MACROD2: variants seen among roughly 807,000 people sequenced by gnomAD.
MACROD2 encodes the protein ADP-ribose glycohydrolase MACROD2.
A neutral mutation model predicts 70.4 loss-of-function variants in MACROD2; 36 were observed. The ratio of observed to expected loss-of-function variants is 0.51; its 90% CI spans 0.39 to 0.68. The LOEUF is 0.68. MACROD2 is among the 30% of genes least tolerant of loss of function. MACROD2 has a pLI of 0.00. For synonymous variants in MACROD2, 172 were observed against 178.8 expected (o/e 0.96, Z 0.30); for missense variants, 496 against 538.4 (o/e 0.92, Z 0.78).
intron 5 of MACROD2, among the ~76,000 whole-genome samples, chr20:14,922,586 T>C (rs2074177042): frequency 1.3e-5 from 2 of 152,202 alleles, no homozygotes; most frequent in Admixed American, 1.3e-4. Context: ...CTTAACCTTT[T>C]AAAGGTGCAG....
chr20:14,717,871 G>T (rs1050060682), intron 5 of MACROD2, among the ~76,000 whole-genome samples: 1 of 152,152 alleles, frequency 6.6e-6, no homozygotes, highest in East Asian at 1.9e-4. Context: ...GGAGCTAGGG[G>T]AGGAAGGAGG....
At position 15,403,773 on chromosome 20, in the gene MACROD2, A is replaced by G. The variant is rs1402293284; in HGVS notation, c.541-27632A>G. Among the ~76,000 whole-genome samples the G allele has an allele frequency of 2.0e-5, 3 of 152,154 alleles. No homozygotes were observed. In the East Asian group the frequency reaches 5.8e-4, roughly 29 times the overall value. On this transcript the variant is annotated intron_variant, in intron 6 of 17. Coordinates refer to ENST00000684519, the MANE Select transcript of MACROD2 (RefSeq NM_001351661.2). ...TTAGCCCATGAGATTGCAGATGGAG[A>G]CTATTACAATGAAAGGCCCATCCTA...
chr20:15,702,175 C>T (rs1258670947), intron 8 of MACROD2, among the ~76,000 whole-genome samples: 2 of 152,166 alleles, frequency 1.3e-5, no homozygotes, highest in East Asian at 3.9e-4. Context: ...CTTTAGGTAT[C>T]TACCCCGTAA....
chr20:15,507,987 G>T (rs1393735828), intron 8 of MACROD2, among the ~76,000 whole-genome samples: 1 of 152,176 alleles, frequency 6.6e-6, no homozygotes, highest in Non-Finnish European at 1.5e-5. Context: ...AGCTGAGCTT[G>T]CCCAAATGCC....
intron 3 of MACROD2, among the ~76,000 whole-genome samples, chr20:14,429,293 T>C (rs1242639928): frequency 6.6e-6 from 1 of 152,210 alleles, no homozygotes; most frequent in Non-Finnish European, 1.5e-5. Context: ...ATGATTTCTG[T>C]GGCCTTTAAA....
At chr20:15,166,930 TTAAG>T (rs2076389294) in intron 5 of MACROD2, among the ~76,000 whole-genome samples, 1 of 148,498 alleles carries the variant, frequency 6.7e-6, no homozygotes, top group South Asian at 2.1e-4. Flanking sequence ...AGTATTAAAT[TTAAG>T]TATTTAATTT....
intron 5 of MACROD2, among the ~76,000 whole-genome samples, chr20:14,940,504 T>C (rs539267389): frequency 1.0e-3 from 157 of 152,320 alleles, no homozygotes; most frequent in Non-Finnish European, 2.0e-3. Context: ...GCATTCAATT[T>C]TTCCATGTTC....
At chr20:14,670,542 C>A (rs1191484079) in intron 4 of MACROD2, among the ~76,000 whole-genome samples, 1 of 152,140 alleles carries the variant, frequency 6.6e-6, no homozygotes, top group Non-Finnish European at 1.5e-5. Context: ...AGTAATTTAA[C>A]ACTTCTGTAA....
Position 14,204,291 on chromosome 20 carries a change from G to C in MACROD2, c.271+118563G>C, listed in dbSNP as rs144710999. Reference sequence around the variant, plus strand: ...TGAGTATCGGATACTGTGTGGGCTAGAGTTCTAGGGACCCACATCACTGTG... The same window carrying C: ...TGAGTATCGGATACTGTGTGGGCTACAGTTCTAGGGACCCACATCACTGTG... On this transcript the variant is annotated intron_variant, in intron 3 of 17. Transcript: ENST00000684519. 4.1e-3 allele frequency among the ~76,000 whole-genome samples: 625 copies of C among 152,288 alleles called. 6 individuals carry two copies. Among genetic ancestry groups the C allele is most frequent in the African/African-American group, 0.014 (597 of 41,550 alleles).
chr20:14,459,887 CCT>C (rs1255342283), intron 3 of MACROD2, among the ~76,000 whole-genome samples: 1 of 152,008 alleles, frequency 6.6e-6, no homozygotes, highest in East Asian at 1.9e-4. Context: ...TCTCTCACCC[CCT>C]GACAGGCCCT....
chr20:15,983,691 C>T (rs989647650), intron 13 of MACROD2, among the ~76,000 whole-genome samples: 1 of 152,184 alleles, frequency 6.6e-6, no homozygotes, highest in African/African-American at 2.4e-5. Flanking sequence ...GCAGCCTACG[C>T]CTGGTCGACT....
chr20:15,241,122 A>C (rs544009849), intron 6 of MACROD2, among the ~76,000 whole-genome samples: 2 of 152,374 alleles, frequency 1.3e-5, no homozygotes, highest in East Asian at 3.9e-4. Context: ...AATATATAAA[A>C]GAGAATGATA....
chr20:14,202,063 A>T (rs2081484387), intron 3 of MACROD2, among the ~76,000 whole-genome samples: 1 of 152,108 alleles, frequency 6.6e-6, no homozygotes, highest in African/African-American at 2.4e-5. Flanking sequence ...GATGATATAA[A>T]TAGGAGTCTT....
At chr20:14,779,612 T>C (rs2072274974) in intron 5 of MACROD2, among the ~76,000 whole-genome samples, 1 of 152,086 alleles carries the variant, frequency 6.6e-6, no homozygotes, top group Non-Finnish European at 1.5e-5. Context: ...AGTTTTCTTA[T>C]TTGTTATAGG....
intron 5 of MACROD2, among the ~76,000 whole-genome samples, chr20:14,900,726 A>G (rs573007649): frequency 2.6e-5 from 4 of 151,482 alleles, no homozygotes; most frequent in East Asian, 1.9e-4. Context: ...AGGTTTGTCA[A>G]TTTTGTTGGT....
At chr20:15,201,775 TCCACAACCC>T (rs2076658343) in intron 5 of MACROD2, among the ~76,000 whole-genome samples, 1 of 152,198 alleles carries the variant, frequency 6.6e-6, no homozygotes, top group Non-Finnish European at 1.5e-5. Flanking sequence ...ATTTGCACAA[TCCACAACCC>T]TTTGTGACAT....
chr20:14,019,580 G>GT (rs1441445422), intron 2 of MACROD2, among the ~76,000 whole-genome samples: 6 of 152,084 alleles, frequency 3.9e-5, no homozygotes, highest in Admixed American at 3.9e-4. Flanking sequence ...GCTGGGTAGT[G>GT]TTTTTTTGAA....
intron 5 of MACROD2, among the ~76,000 whole-genome samples, chr20:14,792,811 GC>G (rs1456049193): frequency 6.6e-6 from 1 of 151,870 alleles, no homozygotes; most frequent in East Asian, 1.9e-4. Flanking sequence ...CAGCAGATGG[GC>G]CCCTTATTTA....
chr20:14,038,474 A>G (rs182573969), intron 2 of MACROD2, among the ~76,000 whole-genome samples: 76 of 152,324 alleles, frequency 5.0e-4, no homozygotes, highest in Non-Finnish European at 1.9e-4. Flanking sequence ...AACTTGCCCA[A>G]CGTCATACTG....
Sources: gnomAD v4.1 joint callset for allele counts (sites outside exome capture counted in the v4.1 genomes callset) on GRCh38, gnomAD v4.1.1 for gene constraint, MANE v1.5 for transcripts, NCBI Gene and HGNC (gene_info 2026-07-23, HGNC 2026-07-21) for gene names.